The following FYCO1 variants were observed in gnomAD, a reference collection of about 807,000 sequenced individuals.
The protein encoded by FYCO1 is FYVE and coiled-coil domain autophagy adaptor 1.
FYCO1 carries 122 observed loss-of-function variants against 165.1 expected under a neutral mutation model. The observed-to-expected ratio is 0.74, with a 90% CI of 0.64 to 0.86. The LOEUF (loss-of-function observed/expected upper bound fraction) is 0.86. FYCO1 is among the 40% of genes least tolerant of loss of function. The pLI is 0.00. For synonymous variants in FYCO1, 648 were observed against 742.5 expected (o/e 0.87, Z 2.07); for missense variants, 1,702 against 1,810.3 (o/e 0.94, Z 1.09).
intron 4 of FYCO1, among the ~76,000 whole-genome samples, chr3:45,978,437 T>G (rs1332994407): frequency 6.6e-6 from 1 of 152,192 alleles, no homozygotes; most frequent in Non-Finnish European, 1.5e-5. Flanking sequence ...GCCAGGATCC[T>G]TCCTCATCGT....
At chr3:45,955,215 G>A (rs1404021059) in intron 14 of FYCO1, 34 bp downstream of exon 14, 19 of 1,611,024 alleles carry the variant, frequency 1.2e-5, no homozygotes, top group Non-Finnish European at 1.5e-5. Flanking sequence ...GGCCTGTAAT[G>A]AGCACTCAGG....
In FYCO1 at chr3:45,966,504, G is replaced by A. The variant is rs755404037; in HGVS notation, c.2830C>T (p.Arg944Ter). 9 of 1,612,230 alleles carry A rather than the reference G, an allele frequency of 5.6e-6. No homozygotes were observed. The highest frequency in any genetic ancestry group is 1.1e-5 in the South Asian group (1 of 91,032). Residue 944 changes from arginine to a stop codon, truncating the protein, a stop_gained, in exon 8 of 18, where the codon CGA (arginine) becomes TGA (stop). Transcript: ENST00000296137. LOFTEE classifies it high-confidence loss of function. ...QDAKEAASRE[R>*]EGLERQVAGL... ...GCTACTTGGCGCTCCAGGCCCTCTCGCTCCCTTGAGGCTGCCTCTTTGGCG... is the reference window on the plus strand; with the variant it reads ...GCTACTTGGCGCTCCAGGCCCTCTCACTCCCTTGAGGCTGCCTCTTTGGCG...
chr3:45,933,116 C>A (rs912574251), intron 15 of FYCO1, among the ~76,000 whole-genome samples: 10 of 152,126 alleles, frequency 6.6e-5, no homozygotes, highest in African/African-American at 2.4e-4. Flanking sequence ...CAAAGCAGAT[C>A]TTAACAAAAA....
chr3:45,937,691 G>A (rs1347596337), intron 14 of FYCO1, among the ~76,000 whole-genome samples: 1 of 152,222 alleles, frequency 6.6e-6, no homozygotes, highest in Non-Finnish European at 1.5e-5. Context: ...GCTCTTCTCA[G>A]GGAAGGTGCA....
rs2125845822 is a variant in FYCO1, at chr3:45,964,319, G to C, written c.3269+17C>G. 1 of 1,574,404 alleles carries C rather than the reference G, an allele frequency of 6.4e-7. No homozygotes were observed. Among genetic ancestry groups the C allele is most frequent in the East Asian group, 2.2e-5 (1 of 44,692 alleles). Reference sequence around the variant, plus strand: ...CCTGAAGACTACCGACAGCTACGTAGGTGGACTGTGACTAACCTTTCTAGG... The same window carrying C: ...CCTGAAGACTACCGACAGCTACGTACGTGGACTGTGACTAACCTTTCTAGG... On this transcript the variant is annotated intron_variant, in intron 10 of 17. Coordinates refer to ENST00000296137, the MANE Select transcript of FYCO1 (RefSeq NM_024513.4). The surrounding 1 kb of genome is among the most constrained non-coding windows in gnomAD (Gnocchi z 4.1).
At chr3:45,952,781 C>G (rs1705103313) in intron 14 of FYCO1, among the ~76,000 whole-genome samples, 1 of 152,212 alleles carries the variant, frequency 6.6e-6, no homozygotes, top group African/African-American at 2.4e-5. Context: ...GAATTTCAAG[C>G]CGGAATGTCC....
intron 4 of FYCO1, 83 bp downstream of exon 4, chr3:45,979,621 CT>C: frequency 6.6e-7 from 1 of 1,519,700 alleles, no homozygotes; most frequent in South Asian, 1.1e-5. Flanking sequence ...CCTTATTTAG[CT>C]GTCTGCAGCA....
chr3:45,995,733 T>A lies in FYCO1; in HGVS notation c.-124A>T, dbSNP rs1707773115. 6.6e-6 allele frequency: 1 copy of A among 152,664 alleles called. No homozygotes were observed. Among genetic ancestry groups the A allele is most frequent in the African/African-American group, 2.4e-5 (1 of 41,412 alleles). The allele number at this position is 152,664 out of a possible 1,614,324, so 9.5% of individuals were successfully genotyped here. ...TCCGCGGCACTTACGCGCTCGTGGG[T>A]CCACCGCCGGGCAGAACCGAAACTT... is the stretch of plus-strand genomic sequence containing the variant. On this transcript the variant is annotated 5_prime_UTR_variant, in exon 1 of 18. Transcript: ENST00000296137.
intron 16 of FYCO1, among the ~76,000 whole-genome samples, chr3:45,926,753 T>C (rs2125791519): frequency 1.3e-5 from 2 of 152,248 alleles, no homozygotes; most frequent in South Asian, 4.1e-4. Context: ...TCACCTGAGG[T>C]CAGGAGTTCA....
In FYCO1 at chr3:45,967,041, G is replaced by C. The variant is rs372227118; in HGVS notation, c.2293C>G (p.Arg765Gly). Residue 765 changes from arginine (R) to glycine (G), a missense_variant, in exon 8 of 18, where the codon CGT becomes GGT. Arg to Gly is a moderately radical substitution (Grantham distance 125). Transcript: ENST00000296137. The part of the protein sequence containing the change: ...GVGPPTDNEA[R>G]ELAAQLALSQ... ...AGGGCTAGCTGGGCAGCCAGCTCACGGGCTTCATTGTCAGTGGGTGGGCCA... is the reference window on the plus strand; with the variant it reads ...AGGGCTAGCTGGGCAGCCAGCTCACCGGCTTCATTGTCAGTGGGTGGGCCA... The C allele has an allele frequency of 2.5e-6, 4 of 1,613,352 alleles. No homozygotes were observed. Among genetic ancestry groups the C allele is most frequent in the African/African-American group, 2.7e-5 (2 of 74,930 alleles).
At chr3:45,951,974 G>A (rs192247578) in intron 14 of FYCO1, among the ~76,000 whole-genome samples, 347 of 152,324 alleles carry the variant, frequency 2.3e-3, no homozygotes, top group Admixed American at 5.9e-3. Context: ...GACATGGGAC[G>A]GAGAGAAGAG....
At chr3:45,929,903 G>A (rs758950466) in intron 16 of FYCO1, among the ~76,000 whole-genome samples, 2 of 152,130 alleles carry the variant, frequency 1.3e-5, no homozygotes, top group Non-Finnish European at 2.9e-5. Context: ...GGATGCCAGC[G>A]CCACAGCAGG....
intron 1 of FYCO1, among the ~76,000 whole-genome samples, chr3:45,986,913 C>T (rs1301111110): frequency 6.6e-6 from 1 of 152,136 alleles, no homozygotes; most frequent in South Asian, 2.1e-4. Context: ...GCTGGGGATA[C>T]AGAGGCACAC....
rs988392657 is a variant in FYCO1, at chr3:45,921,129, T to G, written c.*636A>C. On this transcript the variant is annotated 3_prime_UTR_variant, in exon 18 of 18. Transcript: ENST00000296137. ...CCAGACAAAAGGGCCAGAAAGAGAG[T>G]GCAGCTTAGAGGCCCCTCCAACACT... The G allele has an allele frequency of 1.8e-5, 3 of 162,362 alleles. No homozygotes were observed. The highest frequency in any genetic ancestry group is 5.6e-5 in the Admixed American group (1 of 17,864). The allele number at this position is 162,362 out of a possible 1,614,324, so 10.1% of individuals were successfully genotyped here. A position where few individuals can be genotyped will look rare whatever the true frequency, so the allele number is the denominator to read the frequency against.
intron 16 of FYCO1, among the ~76,000 whole-genome samples, chr3:45,926,478 C>T (rs1703323523): frequency 6.6e-6 from 1 of 152,138 alleles, no homozygotes; most frequent in South Asian, 2.1e-4. Context: ...GTTTATGCCC[C>T]TAATGACAGA....
intron 5 of FYCO1, among the ~76,000 whole-genome samples, chr3:45,974,385 C>T (rs570395381): frequency 3.9e-5 from 6 of 152,226 alleles, no homozygotes; most frequent in South Asian, 2.1e-4. Flanking sequence ...GTGAACTGTG[C>T]GATCTTCACC....
chr3:45,988,027 G>A (rs758456612), intron 1 of FYCO1, among the ~76,000 whole-genome samples: 2 of 152,164 alleles, frequency 1.3e-5, no homozygotes, highest in African/African-American at 2.4e-5. Flanking sequence ...CTGGTGTCAA[G>A]TTCCCAGGTC....
chr3:45,955,143 C>T, intron 14 of FYCO1, 106 bp downstream of exon 14: 1 of 1,324,634 alleles, frequency 7.5e-7, no homozygotes, highest in Non-Finnish European at 1.1e-6. Flanking sequence ...TAGGCAAGGA[C>T]AGTCAATCCT....
chr3:45,977,113 C>T (rs1418682434), intron 4 of FYCO1, among the ~76,000 whole-genome samples: 4 of 151,906 alleles, frequency 2.6e-5, no homozygotes, highest in East Asian at 3.8e-4. Flanking sequence ...AAATTCAGGC[C>T]GTTGGAAAGA....
Sources: gnomAD v4.1 joint callset for allele counts (sites outside exome capture counted in the v4.1 genomes callset) on GRCh38, gnomAD v4.1.1 for gene constraint, Gnocchi (gnomAD v3.1) non-coding constraint, MANE v1.5 for transcripts, NCBI Gene and HGNC (gene_info 2026-07-23, HGNC 2026-07-21) for gene names.